Variants in TBX15 observed in about 807,000 individuals in gnomAD.
TBX15 encodes the protein T-box transcription factor 15, also known as T-box transcription factor TBX15.
Under a neutral mutation model 53.9 loss-of-function variants are expected in TBX15, and 18 were observed. The observed-to-expected ratio is 0.33, with a 90% CI of 0.23 to 0.49. The LOEUF (loss-of-function observed/expected upper bound fraction) is 0.49, where lower values mean the gene tolerates loss of function less well. Ranked by LOEUF, TBX15 falls within the 20% of genes least tolerant of loss-of-function variation. The pLI is 0.98. For missense variants in TBX15, 692 were observed against 749.5 expected (o/e 0.92, Z 0.90); for synonymous variants, 295 against 278.0 (o/e 1.06, Z -0.61).
At chr1:118,927,601 C>T (rs1032263187) in intron 2 of TBX15, among the ~76,000 whole-genome samples, 1 of 152,162 alleles carries the variant, frequency 6.6e-6, no homozygotes, top group Non-Finnish European at 1.5e-5. Context: ...GAAGCAAATA[C>T]CAAATGAATT....
In TBX15 at chr1:118,931,726, A is replaced by T; in HGVS notation, c.312T>A (p.Pro104=). 1.2e-6 allele frequency: 2 copies of T among 1,614,066 alleles called. No homozygotes were observed. Among genetic ancestry groups the T allele is most frequent in the South Asian group, 2.2e-5 (2 of 91,052 alleles). The change falls in exon 2 of 8, where the codon CCT becomes CCA. Residue 104 remains proline, a synonymous_variant. Transcript: ENST00000369429. ...TCTCCTCCATGGAAGACATGGCAGC[A>T]GGCACAGGGCCTGCAGCACCAGAGG... ...DLASGAAGPV[P]AAMSSMEEIQ...
intron 1 of TBX15, among the ~76,000 whole-genome samples, chr1:118,966,851 A>G (rs746211162): frequency 2.6e-5 from 4 of 152,228 alleles, no homozygotes; most frequent in Non-Finnish European, 4.4e-5. Flanking sequence ...AAACTAATAT[A>G]CAAATATAAA....
chr1:118,970,787 G>A (rs1472004949), intron 1 of TBX15, among the ~76,000 whole-genome samples: 1 of 152,070 alleles, frequency 6.6e-6, no homozygotes, highest in Non-Finnish European at 1.5e-5. Context: ...TGTGTTTGAG[G>A]GGTTTTTCTC....
chr1:118,884,451 G>T lies in TBX15; in HGVS notation c.*281C>A. Reference sequence around the variant, plus strand: ...AACATTATGACGAAGTGATTATTCAGTCTCTTCAAAGGCCACTCTGGAACA... The same window carrying T: ...AACATTATGACGAAGTGATTATTCATTCTCTTCAAAGGCCACTCTGGAACA... On this transcript the variant is annotated 3_prime_UTR_variant, in exon 8 of 8. Coordinates refer to ENST00000369429, the MANE Select transcript of TBX15 (RefSeq NM_001330677.2). 2.1e-6 allele frequency: 1 copy of T among 483,580 alleles called. No homozygotes were observed. Among genetic ancestry groups the T allele is most frequent in the Non-Finnish European group, 3.7e-6 (1 of 266,766 alleles). 30.0% of individuals were successfully genotyped at this position (483,580 alleles called of 1,614,324 possible). A position where few individuals can be genotyped will look rare whatever the true frequency, so the allele number is the denominator to read the frequency against.
At chr1:118,933,832 C>T (rs1655880830) in intron 1 of TBX15, among the ~76,000 whole-genome samples, 1 of 152,072 alleles carries the variant, frequency 6.6e-6, no homozygotes, top group South Asian at 2.1e-4. Context: ...TATTATTGTC[C>T]TGCTTTTGGA....
intron 1 of TBX15, among the ~76,000 whole-genome samples, chr1:118,955,222 C>T (rs981067110): frequency 6.7e-5 from 10 of 149,928 alleles, no homozygotes; most frequent in Non-Finnish European, 1.2e-4. Flanking sequence ...ATGCCATCTG[C>T]CCTTTAAATA....
intron 2 of TBX15, 65 bp downstream of exon 2, chr1:118,931,554 G>C: frequency 6.5e-7 from 1 of 1,547,874 alleles, no homozygotes; most frequent in South Asian, 1.1e-5. Context: ...AAGAATGGAA[G>C]AATGTAATGG....
At chr1:118,910,995 C>G (rs1310988160) in intron 6 of TBX15, among the ~76,000 whole-genome samples, 1 of 152,196 alleles carries the variant, frequency 6.6e-6, no homozygotes, top group East Asian at 1.9e-4. Flanking sequence ...AGTGTTTTTA[C>G]ACAGATTAAG....
At chr1:118,888,626 G>T (rs1267652520) in intron 7 of TBX15, among the ~76,000 whole-genome samples, 2 of 152,212 alleles carry the variant, frequency 1.3e-5, no homozygotes, top group Admixed American at 6.5e-5. Context: ...CCTGACTCCA[G>T]CTGTAAAGAG....
At chr1:118,887,492 T>G (rs1448077511) in intron 7 of TBX15, among the ~76,000 whole-genome samples, 2 of 152,062 alleles carry the variant, frequency 1.3e-5, no homozygotes, top group Non-Finnish European at 2.9e-5. Flanking sequence ...CTGGCCTACA[T>G]GGTGAAACCC....
rs576946011 is a variant in TBX15 at position 118,987,628 on chromosome 1, C to G, written c.168G>C (p.Thr56=). 364 of 1,549,752 alleles carry G rather than the reference C, an allele frequency of 2.3e-4. 2 individuals are homozygous for G. The African/African-American group carries it at 4.6e-3, about 20-fold the overall frequency. Residue 56 remains threonine, a synonymous_variant, in exon 1 of 8, where the codon ACG becomes ACC. Coordinates refer to ENST00000369429, the MANE Select transcript of TBX15 (RefSeq NM_001330677.2). Reference sequence around the variant, plus strand: ...CCAGGCCGTGTGCCGCCGCGTCCTCCGTGTCTCCGAGTGGGCCCGCGGGGC... The same window carrying G: ...CCAGGCCGTGTGCCGCCGCGTCCTCGGTGTCTCCGAGTGGGCCCGCGGGGC... The part of the protein sequence containing the change: ...ALSPAGPLGD[T]EDAAAHGLEP...
At chr1:118,888,468 T>C (rs1366420364) in intron 7 of TBX15, among the ~76,000 whole-genome samples, 1 of 152,230 alleles carries the variant, frequency 6.6e-6, no homozygotes, top group Non-Finnish European at 1.5e-5. Context: ...TACAGCTGAA[T>C]GGCCAGGCCT....
intron 1 of TBX15, among the ~76,000 whole-genome samples, chr1:118,936,385 CA>C (rs1557891291): frequency 6.6e-6 from 1 of 152,106 alleles, no homozygotes; most frequent in Non-Finnish European, 1.5e-5. Context: ...CTCCACTTAA[CA>C]GTTAATTTTG....
intron 6 of TBX15, among the ~76,000 whole-genome samples, chr1:118,913,473 CAA>C (rs1359393118): frequency 6.6e-6 from 1 of 152,094 alleles, no homozygotes; most frequent in Non-Finnish European, 1.5e-5. Context: ...GAAGTATCAA[CAA>C]GAGAAATGAC....
intron 6 of TBX15, among the ~76,000 whole-genome samples, chr1:118,908,928 A>ACACG (rs1654933315): frequency 6.6e-6 from 1 of 151,808 alleles, no homozygotes; most frequent in South Asian, 2.1e-4. Flanking sequence ...ATTCACACAC[A>ACACG]CACACACACA....
chr1:118,889,567 G>A (rs547260605), intron 7 of TBX15, among the ~76,000 whole-genome samples: 1 of 152,246 alleles, frequency 6.6e-6, no homozygotes, highest in African/African-American at 2.4e-5. Flanking sequence ...TGAGCATCTT[G>A]ACAGAAATTT....
At position 118,884,760 on chromosome 1, in the gene TBX15, G is replaced by A. The variant is rs987600948; in HGVS notation, c.1781C>T (p.Ser594Phe). The A allele has an allele frequency of 6.2e-7, 1 of 1,614,124 alleles. No homozygotes were observed. The highest frequency in any genetic ancestry group is 8.5e-7 in the Non-Finnish European group (1 of 1,180,014). Reference sequence around the variant, plus strand: ...AACCATGTGCACGGACATCTGGGAGGAGGAGCCTGGAACTGCCCCATACTG... The same window carrying A: ...AACCATGTGCACGGACATCTGGGAGAAGGAGCCTGGAACTGCCCCATACTG... ...GRQYGAVPGS[S>F]SQMSVHMV is the part of the protein sequence containing the mutation. Residue 594 changes from serine (S) to phenylalanine (F), a missense_variant, in exon 8 of 8, where the codon TCC (serine) becomes TTC (phenylalanine). By Grantham distance (155) the Ser-to-Phe change is radical. Transcript: ENST00000369429.
intron 6 of TBX15, among the ~76,000 whole-genome samples, chr1:118,909,580 TTTG>T (rs916508934): frequency 6.6e-6 from 1 of 152,126 alleles, no homozygotes; most frequent in African/African-American, 2.4e-5. Flanking sequence ...TGTTTGTTTG[TTTG>T]TTTTCTTTTT....
At chr1:118,935,166 T>C (rs1237818592) in intron 1 of TBX15, among the ~76,000 whole-genome samples, 1 of 152,180 alleles carries the variant, frequency 6.6e-6, no homozygotes. Context: ...TAAAATTTAA[T>C]CTTTTGTAAA....
Sources: gnomAD v4.1 joint callset for allele counts (sites outside exome capture counted in the v4.1 genomes callset) on GRCh38, gnomAD v4.1.1 for gene constraint, MANE v1.5 for transcripts, NCBI Gene and HGNC (gene_info 2026-07-23, HGNC 2026-07-21) for gene names.